F2RL2: variants seen among roughly 807,000 people sequenced by gnomAD.
F2RL2 encodes the protein proteinase-activated receptor 3.
A neutral mutation model predicts 4.3 loss-of-function variants in F2RL2; 4 were observed. The ratio of observed to expected loss-of-function variants is 0.93; its 90% CI spans 0.46 to 2.12. The LOEUF (loss-of-function observed/expected upper bound fraction) is 2.12, where lower values mean the gene tolerates loss of function less well. Among genes scored for constraint, F2RL2 ranks in the 30% most tolerant of loss-of-function variants. F2RL2 has a pLI of 0.02. For missense variants in F2RL2, 408 were observed against 449.3 expected (o/e 0.91, Z 0.83); for synonymous variants, 166 against 170.9 (o/e 0.97, Z 0.22).
chr5:76,621,051 C>T (rs1218031020), intron 1 of F2RL2, among the ~76,000 whole-genome samples: 1 of 152,174 alleles, frequency 6.6e-6, no homozygotes, highest in African/African-American at 2.4e-5. Flanking sequence ...AAATATAAAC[C>T]TCATTCTTAT....
At chr5:76,621,328 A>T (rs1284049666) in intron 1 of F2RL2, among the ~76,000 whole-genome samples, 1 of 152,228 alleles carries the variant, frequency 6.6e-6, no homozygotes, top group African/African-American at 2.4e-5. Flanking sequence ...GTATCATTTA[A>T]GAAAAGGTAG....
At position 76,618,255 on chromosome 5, in the gene F2RL2, G is replaced by A. The variant is rs1241341769; in HGVS notation, c.452C>T (p.Ala151Val). Residue 151 changes from alanine to valine, a missense_variant, in exon 2 of 2, where the codon GCT (alanine) becomes GTT (valine). Coordinates refer to ENST00000296641, the MANE Select transcript of F2RL2 (RefSeq NM_004101.4). Reference sequence around the variant, plus strand: ...CCAGTTGTTCCCATTGAGATGATAAGCTATCTTAAAGGGCAATGTAACACA... The same window carrying A: ...CCAGTTGTTCCCATTGAGATGATAAACTATCTTAAAGGGCAATGTAACACA... ...LFCVTLPFKI[A>V]YHLNGNNWVF... 3 of 1,614,182 alleles carry A rather than the reference G, an allele frequency of 1.9e-6. No homozygotes were observed. Among genetic ancestry groups the A allele is most frequent in the Middle Eastern group, 1.6e-4 (1 of 6,062 alleles).
chr5:76,620,778 G>A (rs2069662), intron 1 of F2RL2, among the ~76,000 whole-genome samples: 9,078 of 152,094 alleles, frequency 0.06, 356 homozygotes, highest in East Asian at 0.18. Context: ...AGGAAAAATC[G>A]GAAGATGAAA....
At chr5:76,621,567 A>T (rs943208579) in intron 1 of F2RL2, among the ~76,000 whole-genome samples, 2 of 152,220 alleles carry the variant, frequency 1.3e-5, no homozygotes, top group African/African-American at 4.8e-5. Context: ...GCCTGATTTT[A>T]AAAAGCTGTT....
At chr5:76,622,681 T>G (rs1749817690) in intron 1 of F2RL2, among the ~76,000 whole-genome samples, 1 of 152,120 alleles carries the variant, frequency 6.6e-6, no homozygotes, top group Non-Finnish European at 1.5e-5. Context: ...CCACTTAAAG[T>G]CAAAAAAGGT....
At chr5:76,622,884 C>T (rs1029682789) in intron 1 of F2RL2, among the ~76,000 whole-genome samples, 1 of 152,120 alleles carries the variant, frequency 6.6e-6, no homozygotes, top group Non-Finnish European at 1.5e-5. Flanking sequence ...AACACAAAAA[C>T]GACTTTCAAA....
At position 76,618,105 on chromosome 5, in the gene F2RL2, T is replaced by C. The variant is rs201822533; in HGVS notation, c.602A>G (p.Tyr201Cys). ...ATAGGTGTGCTTGGGCAGGCCCCGG[T>C]AGGTGAAAGGATGGACGATGGCCAG... ...RYLAIVHPFT[Y>C]RGLPKHTYAL... Residue 201 changes from tyrosine (Y) to cysteine (C), a missense_variant, in exon 2 of 2, where the codon TAC becomes TGC. Physicochemically the swap from Tyr to Cys is radical, Grantham distance 194. Transcript: ENST00000296641. 1.9e-6 allele frequency: 3 copies of C among 1,613,976 alleles called. No individual in the cohort carries two copies. Among genetic ancestry groups the C allele is most frequent in the Non-Finnish European group, 1.7e-6 (2 of 1,179,990 alleles).
rs941502356 is a variant in F2RL2, at chr5:76,623,151, T to A, written c.64+16A>T. On this transcript the variant is annotated intron_variant, in intron 1 of 1. Coordinates refer to ENST00000296641, the MANE Select transcript of F2RL2 (RefSeq NM_004101.4). ...AAACCCACATCCCCATCCTACCCCC[T>A]GAGAAAATTGCTTACCACTCTGACA... The A allele has an allele frequency of 6.2e-7, 1 of 1,613,582 alleles. No homozygotes were observed. Among genetic ancestry groups the A allele is most frequent in the South Asian group, 1.1e-5 (1 of 91,056 alleles).
In F2RL2 at chr5:76,617,934, A is replaced by G; in HGVS notation, c.773T>C (p.Phe258Ser). 1 of 1,614,126 alleles carries G rather than the reference A, an allele frequency of 6.2e-7. No homozygotes were observed. The highest frequency in any genetic ancestry group is 8.5e-7 in the Non-Finnish European group (1 of 1,180,014). The stretch of plus-strand genomic sequence containing the variant: ...CAAGGAGATGAAGTAATAGAGTTGG[A>G]AGGGAGATGAGGACTCGCAAGTGTT... The part of the protein sequence containing the change: ...VHNTCESSSP[F>S]QLYYFISLAF... The change falls in exon 2 of 2, where the codon TTC (phenylalanine) becomes TCC (serine). Residue 258 changes from phenylalanine to serine, a missense_variant. Coordinates refer to ENST00000296641, the MANE Select transcript of F2RL2 (RefSeq NM_004101.4).
chr5:76,619,725 A>T lies in F2RL2; in HGVS notation c.65-1083T>A, dbSNP rs894934271. 2.6e-5 allele frequency among the ~76,000 whole-genome samples: 4 copies of T among 151,932 alleles called. No homozygotes were observed. In the East Asian group the frequency reaches 5.8e-4, roughly 22 times the overall value. On this transcript the variant is annotated intron_variant, in intron 1 of 1. Coordinates refer to ENST00000296641, the MANE Select transcript of F2RL2 (RefSeq NM_004101.4). The stretch of plus-strand genomic sequence containing the variant: ...AGTAGAGACAGGGTTTCACCATGTT[A>T]GCCAGGATGGTCTCGATCTCCTGAC...
In F2RL2 at chr5:76,615,570, G is replaced by A. The variant is rs2150350771; in HGVS notation, c.*2012C>T. ...CGTACAGACTTGTAAAGTCATCTCA[G>A]GAATCTTTTATGCTTAAAGTTTCCT... On this transcript the variant is annotated 3_prime_UTR_variant, in exon 2 of 2. Coordinates refer to ENST00000296641, the MANE Select transcript of F2RL2 (RefSeq NM_004101.4). The A allele has an allele frequency of 6.6e-6, 1 of 152,238 alleles. No individual in the cohort carries two copies. Among genetic ancestry groups the A allele is most frequent in the East Asian group, 1.9e-4 (1 of 5,186 alleles). The allele number at this position is 152,238 out of a possible 1,614,324, so 9.4% of individuals were successfully genotyped here.
Position 76,616,620 on chromosome 5 carries a change from G to T in F2RL2, c.*962C>A, listed in dbSNP as rs1290844504. The T allele has an allele frequency of 6.5e-6, 1 of 152,766 alleles. No individual in the cohort carries two copies. Among genetic ancestry groups the T allele is most frequent in the African/African-American group, 2.4e-5 (1 of 41,452 alleles). 9.5% of individuals were successfully genotyped at this position (152,766 alleles called of 1,614,324 possible). A position where few individuals can be genotyped will look rare whatever the true frequency, so the allele number is the denominator to read the frequency against. ...TAGTCCCAGCACTTTGGGAGGCTGA[G>T]ATAGGAAGATCACTCGAGACCAGGA... On this transcript the variant is annotated 3_prime_UTR_variant, in exon 2 of 2. Coordinates refer to ENST00000296641, the MANE Select transcript of F2RL2 (RefSeq NM_004101.4).
chr5:76,619,151 A>G (rs1749336372), intron 1 of F2RL2, among the ~76,000 whole-genome samples: 1 of 152,226 alleles, frequency 6.6e-6, no homozygotes. Context: ...TTTTTATTGT[A>G]CATTGATGTG....
At position 76,618,065 on chromosome 5, in the gene F2RL2, A is replaced by G. The variant is rs755143293; in HGVS notation, c.642T>C (p.Cys214=). Residue 214 remains cysteine, a synonymous_variant, in exon 2 of 2, where the codon TGT becomes TGC. Transcript: ENST00000296641. ...AGAAAACTGTTGCCCACACCAGTCCACATGTTACCAAGGCATAGGTGTGCT... is the reference window on the plus strand; with the variant it reads ...AGAAAACTGTTGCCCACACCAGTCCGCATGTTACCAAGGCATAGGTGTGCT... ...LPKHTYALVT[C]GLVWATVFLY... 2.5e-6 allele frequency: 4 copies of G among 1,614,162 alleles called. No homozygotes were observed. In the Admixed American group the frequency reaches 6.7e-5, roughly 27 times the overall value.
chr5:76,617,413 GA>G lies in F2RL2; in HGVS notation c.*168del, dbSNP rs1749085049. On this transcript the variant is annotated 3_prime_UTR_variant, in exon 2 of 2. Transcript: ENST00000296641. ...CACGCCAGTCTGGGTGATAAAGTGAGACTCAGTCTCAAAAACAAACAAACAA... is the reference window on the plus strand; with the variant it reads ...CACGCCAGTCTGGGTGATAAAGTGAGCTCAGTCTCAAAAACAAACAAACAA... 1.7e-6 allele frequency: 1 copy of G among 597,282 alleles called. No individual in the cohort carries two copies. The highest frequency in any genetic ancestry group is 1.9e-5 in the African/African-American group (1 of 53,992). 37.0% of individuals were successfully genotyped at this position (597,282 alleles called of 1,614,324 possible). A position where few individuals can be genotyped will look rare whatever the true frequency, so the allele number is the denominator to read the frequency against.
At position 76,623,394 on chromosome 5, in the gene F2RL2, G is replaced by A. The variant is rs1051187207; in HGVS notation, c.-164C>T. ...GGCAGGAAACTTGCCCTGGTCCTCC[G>A]CAGGGAAAGGATGTAATCCACTCGA... is the stretch of plus-strand genomic sequence containing the variant. On this transcript the variant is annotated 5_prime_UTR_variant, in exon 1 of 2. Coordinates refer to ENST00000296641, the MANE Select transcript of F2RL2 (RefSeq NM_004101.4). 1.6e-5 allele frequency: 11 copies of A among 694,832 alleles called. No individual in the cohort carries two copies. The highest frequency in any genetic ancestry group is 8.5e-5 in the Admixed American group (3 of 35,472). 43.0% of individuals were successfully genotyped at this position (694,832 alleles called of 1,614,324 possible).
intron 1 of F2RL2, among the ~76,000 whole-genome samples, chr5:76,620,508 A>G (rs1749545716): frequency 6.6e-6 from 1 of 152,160 alleles, no homozygotes; most frequent in Non-Finnish European, 1.5e-5. Flanking sequence ...AGAAGCTACA[A>G]TCTGTTTTTA....
In F2RL2 at chr5:76,620,035, C is replaced by A. The variant is rs564318729; in HGVS notation, c.65-1393G>T. 3.4e-4 allele frequency among the ~76,000 whole-genome samples: 52 copies of A among 152,274 alleles called. No individual in the cohort carries two copies. The Middle Eastern group carries it at 0.017, about 50-fold the overall frequency. Reference sequence around the variant, plus strand: ...CAAGATAGCCGATTCTCTCCTAGAGCCTCGAGAATGAACACAACCCCACCA... The same window carrying A: ...CAAGATAGCCGATTCTCTCCTAGAGACTCGAGAATGAACACAACCCCACCA... On this transcript the variant is annotated intron_variant, in intron 1 of 1. Coordinates refer to ENST00000296641, the MANE Select transcript of F2RL2 (RefSeq NM_004101.4).
chr5:76,621,063 G>A (rs908419831), intron 1 of F2RL2, among the ~76,000 whole-genome samples: 1 of 152,004 alleles, frequency 6.6e-6, no homozygotes, highest in African/African-American at 2.4e-5. Context: ...CATTCTTATC[G>A]ATTTAAAATG....
Sources: allele counts gnomAD v4.1 joint callset (sites outside exome capture counted in the v4.1 genomes callset), GRCh38; gene constraint gnomAD v4.1.1; transcripts MANE v1.5; gene names NCBI Gene and HGNC (gene_info 2026-07-23, HGNC 2026-07-21).